Variants in ASXL1 observed in about 807,000 individuals in gnomAD.
ASXL1 encodes the protein ASXL transcriptional regulator 1.
A neutral mutation model predicts 89.1 loss-of-function variants in ASXL1; 65 were observed. The ratio of observed to expected loss-of-function variants is 0.73; its 90% CI spans 0.60 to 0.90. The LOEUF is 0.90. ASXL1 is among the 40% of genes least tolerant of loss of function. The pLI is 0.00. For synonymous variants in ASXL1, 739 were observed against 746.9 expected, an observed-to-expected ratio of 0.99 and a Z score of 0.17; for missense variants, 1,786 against 1,942.9, an observed-to-expected ratio of 0.92 and a Z score of 1.52.
chr20:32,397,039 T>C (rs1043287653), intron 4 of ASXL1, among the ~76,000 whole-genome samples: 5 of 149,760 alleles, frequency 3.3e-5, no homozygotes, highest in African/African-American at 9.7e-5. Context: ...TTTTTTTTTT[T>C]TTCCCTGTAT....
chr20:32,362,610 A>G (rs548117551), intron 1 of ASXL1, among the ~76,000 whole-genome samples: 15 of 152,370 alleles, frequency 9.8e-5, no homozygotes, highest in Non-Finnish European at 1.6e-4. Context: ...CACTCCATCC[A>G]GCCTGGGCGA....
At chr20:32,378,226 C>T (rs2048422814) in intron 4 of ASXL1, among the ~76,000 whole-genome samples, 1 of 149,032 alleles carries the variant, frequency 6.7e-6, no homozygotes, top group African/African-American at 2.5e-5. Flanking sequence ...GCCATGTTGC[C>T]CAGCCTGGCT....
intron 4 of ASXL1, among the ~76,000 whole-genome samples, chr20:32,375,062 G>T (rs1051375814): frequency 6.6e-6 from 1 of 151,992 alleles, no homozygotes; most frequent in Non-Finnish European, 1.5e-5. Context: ...GGTCAGGCTG[G>T]TCTCGAACTC....
chr20:32,429,620 T>A lies in ASXL1; in HGVS notation c.565+189T>A, dbSNP rs1335368193. On this transcript the variant is annotated intron_variant, in intron 7 of 12. Transcript: ENST00000375687. This position sits in a 1 kb window ranked among gnomAD's most constrained non-coding sequence, Gnocchi z 4.9. ...GCTCTGCTGTGTGCCTTCCTCTTTG[T>A]CTCCCAGGGCAGTCGTGAGGATCCA... 2.7e-6 allele frequency: 2 copies of A among 738,922 alleles called. No homozygotes were observed. Among genetic ancestry groups the A allele is most frequent in the South Asian group, 3.4e-5 (2 of 59,532 alleles). The allele number at this position is 738,922 out of a possible 1,614,324, so 45.8% of individuals were successfully genotyped here.
chr20:32,413,952 T>C (rs1428516457), intron 4 of ASXL1, among the ~76,000 whole-genome samples: 1 of 152,216 alleles, frequency 6.6e-6, no homozygotes, highest in Non-Finnish European at 1.5e-5. Flanking sequence ...CATGTCTTTA[T>C]TCTGTGTTCC....
chr20:32,424,700 A>G (rs1600567147), intron 4 of ASXL1, among the ~76,000 whole-genome samples: 1 of 152,240 alleles, frequency 6.6e-6, no homozygotes, highest in African/African-American at 2.4e-5. Context: ...CTTGTGTATC[A>G]TCGTTTCTCT....
intron 4 of ASXL1, among the ~76,000 whole-genome samples, chr20:32,401,925 A>C: frequency 6.6e-6 from 1 of 152,310 alleles, no homozygotes; most frequent in South Asian, 2.1e-4. Context: ...AACAATAATA[A>C]AAAATTATAA....
chr20:32,423,401 T>TGTG (rs1555909883), intron 4 of ASXL1, among the ~76,000 whole-genome samples: 46 of 151,100 alleles, frequency 3.0e-4, no homozygotes, highest in South Asian at 8.4e-4. Context: ...AGCTAATTTT[T>TGTG]TGTGTGTGTG....
chr20:32,436,665 G>A lies in ASXL1; in HGVS notation c.3953G>A (p.Arg1318Lys). 1 of 1,614,010 alleles carries A rather than the reference G, an allele frequency of 6.2e-7. No homozygotes were observed. Among genetic ancestry groups the A allele is most frequent in the South Asian group, 1.1e-5 (1 of 91,088 alleles). ...GNVAATLQRP[R>K]PADPMPLPAE... is the part of the protein sequence containing the mutation. ...GTGGCTGCAACCCTTCAGCGCCCCA[G>A]GCCTGCGGACCCGATGCCTCTTCCT... is the stretch of plus-strand genomic sequence containing the variant. The change falls in exon 13 of 13, where the codon AGG becomes AAG. Residue 1318 changes from arginine to lysine, a missense_variant. Coordinates refer to ENST00000375687, the MANE Select transcript of ASXL1 (RefSeq NM_015338.6).
At chr20:32,412,706 T>C (rs1243461259) in intron 4 of ASXL1, among the ~76,000 whole-genome samples, 4 of 150,556 alleles carry the variant, frequency 2.7e-5, no homozygotes, top group African/African-American at 9.8e-5. Flanking sequence ...TACAGGCATA[T>C]GCATCCTGGC....
chr20:32,411,720 T>G (rs2049052313), intron 4 of ASXL1, among the ~76,000 whole-genome samples: 1 of 151,376 alleles, frequency 6.6e-6, no homozygotes, highest in African/African-American at 2.4e-5. Context: ...ATATTTTTAG[T>G]AGAGATGGGG....
rs11167167 is a variant in ASXL1, at chr20:32,394,934, G to A, written c.252+25811G>A. On this transcript the variant is annotated intron_variant, in intron 4 of 12. Transcript: ENST00000375687. The stretch of plus-strand genomic sequence containing the variant: ...TTGCCACGTTGGCCCAGCAGGTCTC[G>A]AACTCCTGAGCTCCAGTGATCCGCC... 9.3e-4 allele frequency among the ~76,000 whole-genome samples: 142 copies of A among 151,978 alleles called. 2 individuals carry two copies. In the East Asian group the frequency reaches 0.027, roughly 28 times the overall value.
chr20:32,398,844 C>T (rs1286277162), intron 4 of ASXL1, among the ~76,000 whole-genome samples: 1 of 151,294 alleles, frequency 6.6e-6, no homozygotes, highest in Admixed American at 6.6e-5. Flanking sequence ...CTCCTGACCT[C>T]GTGATCCGCC....
chr20:32,394,462 T>A (rs921999237), intron 4 of ASXL1, among the ~76,000 whole-genome samples: 4 of 152,072 alleles, frequency 2.6e-5, no homozygotes, highest in African/African-American at 7.2e-5. Flanking sequence ...TTTTAGTGGT[T>A]CATTTTTAAG....
chr20:32,397,130 C>T (rs546344091), intron 4 of ASXL1, among the ~76,000 whole-genome samples: 47 of 146,054 alleles, frequency 3.2e-4, no homozygotes, highest in Non-Finnish European at 4.8e-4. Flanking sequence ...CTGCAACCTC[C>T]GCCTACCAGG....
At position 32,434,641 on chromosome 20, in the gene ASXL1, G is replaced by C. The variant is rs373998853; in HGVS notation, c.1929G>C (p.Gly643=). The stretch of plus-strand genomic sequence containing the variant: ...AGGCGGCCACCACTGCCATCGGAGG[G>C]GGGGGTGGCCCGGGTGGAGGTGGCG... ...HREAATTAIG[G]GGGPGGGGGG... The change falls in exon 13 of 13, where the codon GGG becomes GGC. Residue 643 remains glycine (G), a synonymous_variant. Transcript: ENST00000375687. 56 of 1,607,440 alleles carry C rather than the reference G, an allele frequency of 3.5e-5. No individual in the cohort carries two copies. The highest frequency in any genetic ancestry group is 1.6e-4 in the Middle Eastern group (1 of 6,074).
intron 1 of ASXL1, among the ~76,000 whole-genome samples, chr20:32,362,791 A>G (rs1268468950): frequency 6.6e-6 from 1 of 152,240 alleles, no homozygotes; most frequent in Non-Finnish European, 1.5e-5. Flanking sequence ...CACATTTTGT[A>G]GTATTGTCTT....
chr20:32,433,140 CAG>C, intron 11 of ASXL1, 142 bp from the exon 12 acceptor site: 1 of 1,533,842 alleles, frequency 6.5e-7, no homozygotes, highest in South Asian at 1.2e-5. Flanking sequence ...GTGAAGCTAA[CAG>C]AAGTTTTTCC....
intron 4 of ASXL1, among the ~76,000 whole-genome samples, chr20:32,425,408 C>T (rs781376874): frequency 2.0e-5 from 3 of 152,216 alleles, no homozygotes; most frequent in Non-Finnish European, 4.4e-5. Context: ...GTATCTTCAA[C>T]TGTACCAGAT....
Sources: allele counts gnomAD v4.1 joint callset (sites outside exome capture counted in the v4.1 genomes callset), GRCh38; gene constraint gnomAD v4.1.1; non-coding constraint Gnocchi (gnomAD v3.1); transcripts MANE v1.5; gene names NCBI Gene and HGNC (gene_info 2026-07-23, HGNC 2026-07-21).